Variants in SLC14A1 observed in about 807,000 individuals in gnomAD.
The protein encoded by SLC14A1 is solute carrier family 14 member 1 (Kidd blood group), also known as urea transporter 1.
SLC14A1 carries 36 observed loss-of-function variants against 39.6 expected under a neutral mutation model. That is an observed-to-expected ratio of 0.91 (90% CI 0.70 to 1.20). The LOEUF is 1.20. Among genes scored for constraint, SLC14A1 ranks in the 50% most tolerant of loss-of-function variants. The pLI is 0.00. For synonymous variants in SLC14A1, 164 were observed against 173.6 expected (o/e 0.94, Z 0.43); for missense variants, 469 against 478.7 (o/e 0.98, Z 0.19).
At chr18:45,725,763 G>A (rs1285927361) in intron 2 of SLC14A1, among the ~76,000 whole-genome samples, 1 of 152,210 alleles carries the variant, frequency 6.6e-6, no homozygotes, top group Non-Finnish European at 1.5e-5. Context: ...AGTGAATCTG[G>A]ATGATGCCCA....
At chr18:45,744,245 C>T (rs2047479629) in intron 8 of SLC14A1, among the ~76,000 whole-genome samples, 1 of 152,178 alleles carries the variant, frequency 6.6e-6, no homozygotes, top group African/African-American at 2.4e-5. Context: ...AACTCCTGAC[C>T]TCAAGTGATC....
rs968803255 is a variant in SLC14A1, at chr18:45,750,043, C to T, written c.*92C>T. 112 of 1,609,972 alleles carry T rather than the reference C, an allele frequency of 7.0e-5. No homozygotes were observed. The highest frequency in any genetic ancestry group is 9.1e-5 in the Non-Finnish European group (107 of 1,179,768). On this transcript the variant is annotated 3_prime_UTR_variant, in exon 10 of 10. Transcript: ENST00000321925. ...GGTCTCAGCAAACTGCTGTTTTTCA[C>T]GAGTATCAACTTTCATACTGACGCG... is the stretch of plus-strand genomic sequence containing the variant.
Position 45,748,355 on chromosome 18 carries a change from CCCT to C in SLC14A1, c.947-17_947-15del. The C allele has an allele frequency of 6.2e-7, 1 of 1,613,742 alleles. No individual in the cohort carries two copies. The highest frequency in any genetic ancestry group is 8.5e-7 in the Non-Finnish European group (1 of 1,179,664). Reference sequence around the variant, plus strand: ...GTGCATCTACGAAGCATTGTTCTTTCCCTCCTTTTTTTTTCTGTAGCCCTGTTC... The same window carrying C: ...GTGCATCTACGAAGCATTGTTCTTTCCCTTTTTTTTTCTGTAGCCCTGTTC... On this transcript the variant is annotated intron_variant, in intron 8 of 9. Coordinates refer to ENST00000321925, the MANE Select transcript of SLC14A1 (RefSeq NM_015865.7).
chr18:45,730,671 C>T (rs1401755835), intron 3 of SLC14A1, among the ~76,000 whole-genome samples, 200 bp downstream of exon 3: 1 of 152,132 alleles, frequency 6.6e-6, no homozygotes, highest in Non-Finnish European at 1.5e-5. Flanking sequence ...GGGCCCAGCT[C>T]ATATTAGAAG....
chr18:45,736,147 ATATTT>A, intron 5 of SLC14A1, among the ~76,000 whole-genome samples: 1 of 151,946 alleles, frequency 6.6e-6, no homozygotes, highest in South Asian at 2.1e-4. Flanking sequence ...TATGTAGATA[ATATTT>A]TATTTTGTAT....
chr18:45,748,255 G>C, intron 8 of SLC14A1, 121 bp from the exon 9 acceptor site: 2 of 1,051,918 alleles, frequency 1.9e-6, no homozygotes, highest in Admixed American at 3.4e-5. Flanking sequence ...GCTGACTTTA[G>C]GCTCATGCTT....
chr18:45,725,699 A>G (rs902632575), intron 2 of SLC14A1, among the ~76,000 whole-genome samples: 1 of 152,206 alleles, frequency 6.6e-6, no homozygotes, highest in African/African-American at 2.4e-5. Flanking sequence ...TGAAAAATTA[A>G]GAACCACCAG....
At chr18:45,735,346 T>G (rs545393677) in intron 5 of SLC14A1, among the ~76,000 whole-genome samples, 2 of 152,356 alleles carry the variant, frequency 1.3e-5, no homozygotes, top group South Asian at 4.1e-4. Flanking sequence ...CCCGAGAATT[T>G]GCGTTTCTAA....
At position 45,750,403 on chromosome 18, in the gene SLC14A1, G is replaced by T; in HGVS notation, c.*452G>T. On this transcript the variant is annotated 3_prime_UTR_variant, in exon 10 of 10. Transcript: ENST00000321925. The stretch of plus-strand genomic sequence containing the variant: ...TCCAGAATTCTGTGATAAGCAGCTT[G>T]GCTTTTTTTTTAAATCAATGCAAGT... The T allele has an allele frequency of 9.3e-7, 1 of 1,073,016 alleles. No homozygotes were observed. 66.5% of individuals were successfully genotyped at this position (1,073,016 alleles called of 1,614,324 possible).
intron 9 of SLC14A1, 84 bp downstream of exon 9, chr18:45,748,509 C>A: frequency 7.3e-7 from 1 of 1,370,078 alleles, no homozygotes; most frequent in Non-Finnish European, 1.0e-6. Flanking sequence ...GTCCACTGGG[C>A]TGGCATCCAG....
chr18:45,740,885 T>G (rs2047354737), intron 8 of SLC14A1, among the ~76,000 whole-genome samples: 1 of 152,166 alleles, frequency 6.6e-6, no homozygotes, highest in Admixed American at 6.5e-5. Flanking sequence ...GCTGTTGCTC[T>G]CAGGATCACA....
rs749037771 is a variant in SLC14A1 at position 45,731,085 on chromosome 18, C to T, written c.222C>T (p.Asn74=). The T allele has an allele frequency of 9.3e-6, 15 of 1,614,018 alleles. No individual in the cohort carries two copies. Among genetic ancestry groups the T allele is most frequent in the Middle Eastern group, 1.6e-4 (1 of 6,084 alleles). The change falls in exon 4 of 10, where the codon AAC becomes AAT. Residue 74 remains asparagine, a synonymous_variant. Transcript: ENST00000321925. ...RGISQVVFVN[N]PVSGILILVG... is the part of the protein sequence containing the mutation. ...TATCCCAAGTGGTGTTCGTCAACAA[C>T]CCCGTCAGTGGAATCCTGATTCTGG... is the stretch of plus-strand genomic sequence containing the variant.
At chr18:45,729,407 T>G (rs1050313619) in intron 2 of SLC14A1, 1 of 152,236 alleles carries the variant, frequency 6.6e-6, no homozygotes, top group Non-Finnish European at 1.5e-5. Context: ...CTGGTGATAT[T>G]GGTGCTTTCT....
At chr18:45,733,347 C>G (rs1433446064) in intron 4 of SLC14A1, among the ~76,000 whole-genome samples, 1 of 152,196 alleles carries the variant, frequency 6.6e-6, no homozygotes, top group South Asian at 2.1e-4. Flanking sequence ...AAATGGGATA[C>G]TTCTCCAAGT....
At chr18:45,726,119 C>A (rs1373860410) in intron 2 of SLC14A1, among the ~76,000 whole-genome samples, 1 of 152,170 alleles carries the variant, frequency 6.6e-6, no homozygotes, top group Non-Finnish European at 1.5e-5. Context: ...ATTCATAATG[C>A]AACATGCAGG....
intron 3 of SLC14A1, 73 bp downstream of exon 3, chr18:45,730,544 T>C: frequency 6.7e-7 from 1 of 1,496,584 alleles, no homozygotes; most frequent in Non-Finnish European, 9.3e-7. Context: ...GTACTTCTAC[T>C]TATACCTTTA....
At chr18:45,744,163 C>A (rs972075342) in intron 8 of SLC14A1, among the ~76,000 whole-genome samples, 1 of 152,182 alleles carries the variant, frequency 6.6e-6, no homozygotes, top group African/African-American at 2.4e-5. Context: ...CAGACATGCA[C>A]CACCATGCCC....
intron 8 of SLC14A1, among the ~76,000 whole-genome samples, chr18:45,743,875 A>G (rs1002458719): frequency 6.6e-6 from 1 of 152,188 alleles, no homozygotes. Flanking sequence ...GATGACTACT[A>G]AAACCATTGA....
At chr18:45,738,864 G>A (rs1019970682) in intron 6 of SLC14A1, among the ~76,000 whole-genome samples, 3 of 152,066 alleles carry the variant, frequency 2.0e-5, no homozygotes, top group Non-Finnish European at 4.4e-5. Flanking sequence ...GCACCAAGCT[G>A]GGAGCTTAAC....
Sources: gnomAD v4.1 joint callset for allele counts (sites outside exome capture counted in the v4.1 genomes callset) on GRCh38, gnomAD v4.1.1 for gene constraint, MANE v1.5 for transcripts, NCBI Gene and HGNC (gene_info 2026-07-23, HGNC 2026-07-21) for gene names.